FNIP2: variants seen among roughly 807,000 people sequenced by gnomAD.
FNIP2 encodes the protein folliculin interacting protein 2.
Under a neutral mutation model 108.7 loss-of-function variants are expected in FNIP2, and 32 were observed. The observed-to-expected ratio is 0.29, with a 90% CI of 0.22 to 0.40. The LOEUF is 0.40. Among genes scored for constraint, FNIP2 ranks in the 10% least tolerant of loss-of-function variants. FNIP2 has a pLI of 1.00. For missense variants in FNIP2, 1,202 were observed against 1,381.6 expected, an observed-to-expected ratio of 0.87 and a Z score of 2.06; for synonymous variants, 480 against 496.7, an observed-to-expected ratio of 0.97 and a Z score of 0.45.
chr4:158,792,596 A>G, intron 1 of FNIP2, among the ~76,000 whole-genome samples: 1 of 152,202 alleles, frequency 6.6e-6, no homozygotes, highest in Non-Finnish European at 1.5e-5. Flanking sequence ...TTCCAACAGA[A>G]ACACATATAC....
chr4:158,876,169 T>G (rs1000003137), intron 14 of FNIP2, among the ~76,000 whole-genome samples: 4 of 152,236 alleles, frequency 2.6e-5, no homozygotes, highest in Non-Finnish European at 5.9e-5. Flanking sequence ...TCATTGTGAT[T>G]CTCTCGCCTT....
At position 158,801,597 on chromosome 4, in the gene FNIP2, A is replaced by G. The variant is rs377320087; in HGVS notation, c.108-24319A>G. On this transcript the variant is annotated intron_variant, in intron 1 of 16. Coordinates refer to ENST00000264433, the MANE Select transcript of FNIP2 (RefSeq NM_020840.3). ...CAGTTCCTTAACCTTCCTGTGCTTC[A>G]TTCTCCTCATCTGTTAAGAGAAGAT... Among the ~76,000 whole-genome samples, 81 of 152,286 alleles carry G rather than the reference A, an allele frequency of 5.3e-4. 2 individuals carry two copies. In the East Asian group the frequency reaches 9.5e-3, roughly 18 times the overall value.
In FNIP2 at chr4:158,832,283, G is replaced by A. The variant is rs990567492; in HGVS notation, c.554+145G>A. On this transcript the variant is annotated intron_variant, in intron 5 of 16. Transcript: ENST00000264433. Reference sequence around the variant, plus strand: ...CAAAGGGGCTTTAAAAGTGGCTACTGTCCTATAAACAGTGAGTGGGAAAAG... The same window carrying A: ...CAAAGGGGCTTTAAAAGTGGCTACTATCCTATAAACAGTGAGTGGGAAAAG... 13 of 644,044 alleles carry A rather than the reference G, an allele frequency of 2.0e-5. No homozygotes were observed. In the Admixed American group the frequency reaches 4.2e-4, roughly 21 times the overall value. 39.9% of individuals were successfully genotyped at this position (644,044 alleles called of 1,614,324 possible).
At chr4:158,841,317 T>C (rs1375802217) in intron 7 of FNIP2, among the ~76,000 whole-genome samples, 1 of 152,128 alleles carries the variant, frequency 6.6e-6, no homozygotes, top group Non-Finnish European at 1.5e-5. Context: ...AGTGAGCACC[T>C]GGGCTTTCCT....
At chr4:158,777,042 C>G (rs1775886093) in intron 1 of FNIP2, among the ~76,000 whole-genome samples, 1 of 152,156 alleles carries the variant, frequency 6.6e-6, no homozygotes, top group Admixed American at 6.5e-5. Context: ...ACCCCCACCT[C>G]CCTAAAAAAA....
intron 13 of FNIP2, among the ~76,000 whole-genome samples, 197 bp from the exon 14 acceptor site, chr4:158,870,116 T>G (rs1446764832): frequency 6.6e-6 from 1 of 150,468 alleles, no homozygotes; most frequent in East Asian, 1.9e-4. Flanking sequence ...CCATGGATAG[T>G]TTTTTTTTCT....
intron 3 of FNIP2, among the ~76,000 whole-genome samples, chr4:158,830,248 CTTTTT>C (rs35746599): frequency 6.3e-5 from 4 of 63,980 alleles, no homozygotes; most frequent in African/African-American, 2.4e-4. Context: ...ATTTATCTTT[CTTTTT>C]TTTTTTTTTT....
intron 8 of FNIP2, among the ~76,000 whole-genome samples, chr4:158,852,644 T>A (rs1312196318): frequency 6.6e-6 from 1 of 152,170 alleles, no homozygotes; most frequent in Non-Finnish European, 1.5e-5. Flanking sequence ...AGCCAAGACA[T>A]AGGATATGGG....
intron 1 of FNIP2, among the ~76,000 whole-genome samples, chr4:158,819,828 T>G (rs1042358414): frequency 2.6e-5 from 4 of 152,230 alleles, no homozygotes; most frequent in South Asian, 4.1e-4. Flanking sequence ...GTCTCCCCAC[T>G]CTTCTTGAGC....
chr4:158,803,696 GA>G (rs1430222186), intron 1 of FNIP2, among the ~76,000 whole-genome samples: 3 of 152,130 alleles, frequency 2.0e-5, no homozygotes, highest in Admixed American at 2.0e-4. Context: ...GGTAACAGAG[GA>G]AATGGCATTT....
chr4:158,823,900 G>C (rs1778018424), intron 1 of FNIP2, among the ~76,000 whole-genome samples: 1 of 152,156 alleles, frequency 6.6e-6, no homozygotes, highest in East Asian at 1.9e-4. Flanking sequence ...GAGGGAAGAT[G>C]GTTTGAAAAT....
chr4:158,819,526 A>T (rs1352143759), intron 1 of FNIP2, among the ~76,000 whole-genome samples: 2 of 152,274 alleles, frequency 1.3e-5, no homozygotes, highest in Non-Finnish European at 2.9e-5. Context: ...GTTCCACTGA[A>T]ATTGCTCCAG....
intron 7 of FNIP2, among the ~76,000 whole-genome samples, chr4:158,840,867 A>T (rs1416726818): frequency 6.6e-6 from 1 of 152,244 alleles, no homozygotes; most frequent in Non-Finnish European, 1.5e-5. Context: ...TTCTGTCTGC[A>T]ACTGCATTTC....
rs2279153 is a variant in FNIP2, at chr4:158,905,227, T to C, written c.*683T>C. On this transcript the variant is annotated 3_prime_UTR_variant, in exon 17 of 17. Coordinates refer to ENST00000264433, the MANE Select transcript of FNIP2 (RefSeq NM_020840.3). ...CAGCCATGGGTAGGTCAGAGATGGA[T>C]TGTTGGTGCAATAAACCCAAGAATC... 44,099 of 152,184 alleles carry C rather than the reference T, an allele frequency of 0.29. 7,158 individuals carry two copies. Among genetic ancestry groups the C allele is most frequent in the Non-Finnish European group, 0.38 (25,761 of 68,028 alleles). The allele number at this position is 152,184 out of a possible 1,614,324, so 9.4% of individuals were successfully genotyped here. A position where few individuals can be genotyped will look rare whatever the true frequency, so the allele number is the denominator to read the frequency against.
At chr4:158,850,185 A>G (rs1779620081) in intron 7 of FNIP2, among the ~76,000 whole-genome samples, 1 of 152,214 alleles carries the variant, frequency 6.6e-6, no homozygotes, top group African/African-American at 2.4e-5. Context: ...ATCAAGTGAT[A>G]TTCATGAGCA....
At chr4:158,862,436 T>C (rs1249255417) in intron 12 of FNIP2, among the ~76,000 whole-genome samples, 1 of 152,170 alleles carries the variant, frequency 6.6e-6, no homozygotes, top group Non-Finnish European at 1.5e-5. Context: ...AGCTCCCTCA[T>C]GGTTAGGGGG....
intron 9 of FNIP2, 79 bp downstream of exon 9, chr4:158,859,337 A>G: frequency 7.0e-7 from 1 of 1,431,306 alleles, no homozygotes; most frequent in Non-Finnish European, 9.5e-7. Context: ...TTGCCGATGT[A>G]TCAGATGTCT....
At chr4:158,875,098 A>AG (rs1781191535) in intron 14 of FNIP2, among the ~76,000 whole-genome samples, 1 of 151,892 alleles carries the variant, frequency 6.6e-6, no homozygotes, top group Non-Finnish European at 1.5e-5. Context: ...AAAAAAAAAA[A>AG]AAAGAAAAGA....
chr4:158,773,027 T>C (rs1199248655), intron 1 of FNIP2, among the ~76,000 whole-genome samples: 1 of 152,168 alleles, frequency 6.6e-6, no homozygotes, highest in Admixed American at 6.6e-5. Context: ...AAGTGCTTCC[T>C]CCGCTCCCAC....
Sources: gnomAD v4.1 joint callset for allele counts (sites outside exome capture counted in the v4.1 genomes callset) on GRCh38, gnomAD v4.1.1 for gene constraint, MANE v1.5 for transcripts, NCBI Gene and HGNC (gene_info 2026-07-23, HGNC 2026-07-21) for gene names.